Variants in OTOGL observed in about 807,000 individuals in gnomAD.
The protein encoded by OTOGL is otogelin-like protein.
A neutral mutation model predicts 318.5 loss-of-function variants in OTOGL; 285 were observed. The ratio of observed to expected loss-of-function variants is 0.89; its 90% CI spans 0.81 to 0.99. The LOEUF (loss-of-function observed/expected upper bound fraction) is 0.99, where lower values mean the gene tolerates loss of function less well. OTOGL is among the 50% of genes least tolerant of loss of function. The pLI is 0.00. For synonymous variants in OTOGL, 987 were observed against 936.5 expected, an observed-to-expected ratio of 1.05 and a Z score of -0.99; for missense variants, 2,899 against 2,845.6, an observed-to-expected ratio of 1.02 and a Z score of -0.43.
intron 26 of OTOGL, among the ~76,000 whole-genome samples, chr12:80,291,880 A>C (rs1885063208): frequency 6.6e-6 from 1 of 152,258 alleles, no homozygotes; most frequent in Non-Finnish European, 1.5e-5. Context: ...AATATGCCTC[A>C]AATTTTGCTC....
intron 53 of OTOGL, 40 bp downstream of exon 53, chr12:80,366,677 A>G: frequency 1.2e-6 from 1 of 842,610 alleles, no homozygotes. Flanking sequence ...ATAAATGAAT[A>G]TCATTAGTAT....
chr12:80,216,509 C>A (rs1188481407), intron 4 of OTOGL, among the ~76,000 whole-genome samples: 1 of 152,118 alleles, frequency 6.6e-6, no homozygotes, highest in Non-Finnish European at 1.5e-5. Context: ...TGCTACTTAG[C>A]CATATAGATC....
intron 26 of OTOGL, among the ~76,000 whole-genome samples, chr12:80,290,108 C>T (rs1185897298): frequency 6.6e-6 from 1 of 152,316 alleles, no homozygotes; most frequent in Non-Finnish European, 1.5e-5. Context: ...ATAGCACAGC[C>T]CTTCATGGCT....
chr12:80,222,011 T>A, intron 6 of OTOGL, 80 bp from the exon 7 acceptor site: 1 of 1,394,118 alleles, frequency 7.2e-7, no homozygotes, highest in South Asian at 1.4e-5. Context: ...AAAATTAGAA[T>A]CATTTACCAT....
At chr12:80,343,634 C>T (rs1364931974) in intron 44 of OTOGL, 1 of 147,536 alleles carries the variant, frequency 6.8e-6, no homozygotes, top group East Asian at 2.1e-4. Flanking sequence ...GGTCCTCTGT[C>T]GTGGATAGTC....
chr12:80,363,629 C>G (rs1168693839), intron 52 of OTOGL, among the ~76,000 whole-genome samples: 1 of 152,096 alleles, frequency 6.6e-6, no homozygotes, highest in African/African-American at 2.4e-5. Flanking sequence ...ATTACTAGGT[C>G]CTTGGACAAA....
chr12:80,320,196 A>ATT (rs927272477), intron 33 of OTOGL, among the ~76,000 whole-genome samples: 1 of 146,838 alleles, frequency 6.8e-6, no homozygotes, highest in African/African-American at 2.5e-5. Context: ...CCAAAGACTG[A>ATT]TTTTTTTTTT....
intron 1 of OTOGL, among the ~76,000 whole-genome samples, chr12:80,113,075 G>A (rs1419580479): frequency 6.6e-6 from 1 of 152,090 alleles, no homozygotes; most frequent in Admixed American, 6.5e-5. Context: ...ATGGTAGTTT[G>A]TATTTCTGTG....
In OTOGL at chr12:80,355,803, C is replaced by T; in HGVS notation, c.5661C>T (p.Cys1887=). 1.2e-6 allele frequency: 2 copies of T among 1,613,808 alleles called. No homozygotes were observed. Among genetic ancestry groups the T allele is most frequent in the Non-Finnish European group, 1.7e-6 (2 of 1,179,798 alleles). The part of the protein sequence containing the change: ...GEIWNGGIDE[C]TLYKCLENGS... ...TTTGGAATGGGGGCATTGATGAATG[C>T]ACTCTATACAAATGTTTGGAGAATG... The change falls in exon 47 of 59, where the codon TGC becomes TGT. Residue 1887 remains cysteine (C), a synonymous_variant. Coordinates refer to ENST00000547103, the MANE Select transcript of OTOGL (RefSeq NM_001378609.3).
chr12:80,279,798 A>G (rs1884085200), intron 26 of OTOGL, among the ~76,000 whole-genome samples: 1 of 151,804 alleles, frequency 6.6e-6, no homozygotes, highest in Non-Finnish European at 1.5e-5. Flanking sequence ...TCCTTTGGGT[A>G]TATACACAAT....
At chr12:80,326,981 T>C (rs570105060) in intron 35 of OTOGL, among the ~76,000 whole-genome samples, 2 of 152,298 alleles carry the variant, frequency 1.3e-5, no homozygotes, top group Admixed American at 6.5e-5. Flanking sequence ...GATGAGGCAA[T>C]GGAAATGTTT....
chr12:80,198,888 T>G (rs1339943100), intron 1 of OTOGL, among the ~76,000 whole-genome samples: 1 of 152,234 alleles, frequency 6.6e-6, no homozygotes, highest in Admixed American at 6.5e-5. Flanking sequence ...TATCATCTCT[T>G]GTGAACTACA....
chr12:80,356,961 G>GA lies in OTOGL; in HGVS notation c.6019+54dup, dbSNP rs5799468. Reference sequence around the variant, plus strand: ...TCTTGGAAGAAGAGAAAGGATCTAGGAAAAAAATCTCTTATTTGATGTGAA... The same window carrying GA: ...TCTTGGAAGAAGAGAAAGGATCTAGGAAAAAAAATCTCTTATTTGATGTGAA... On this transcript the variant is annotated intron_variant, in intron 49 of 58. Transcript: ENST00000547103. 0.8 allele frequency: 910,339 copies of GA among 1,141,938 alleles called. 370,705 individuals carry two copies. The highest frequency in any genetic ancestry group is 0.83 in the Non-Finnish European group (690,163 of 830,830). The allele number at this position is 1,141,938 out of a possible 1,614,324, so 70.7% of individuals were successfully genotyped here.
At chr12:80,160,546 C>T (rs753229078) in intron 1 of OTOGL, among the ~76,000 whole-genome samples, 22 of 152,134 alleles carry the variant, frequency 1.4e-4, no homozygotes, top group Non-Finnish European at 4.4e-5. Flanking sequence ...CACCTTACTC[C>T]TGCATGAATA....
intron 1 of OTOGL, among the ~76,000 whole-genome samples, chr12:80,194,792 C>CGCTT (rs1875938613): frequency 1.3e-5 from 2 of 152,020 alleles, no homozygotes; most frequent in Non-Finnish European, 2.9e-5. Context: ...AATAAACTTT[C>CGCTT]GCTTGTTTTC....
At chr12:80,277,476 A>ACATT (rs142501025) in intron 24 of OTOGL, among the ~76,000 whole-genome samples, 4 of 146,804 alleles carry the variant, frequency 2.7e-5, no homozygotes, top group Non-Finnish European at 6.0e-5. Flanking sequence ...ACTTAATTAT[A>ACATT]TATATTTAAA....
At chr12:80,210,956 A>C in intron 3 of OTOGL, 70 bp downstream of exon 3, 1 of 1,040,444 alleles carries the variant, frequency 9.6e-7, no homozygotes, top group Non-Finnish European at 1.3e-6. Flanking sequence ...CTCAGCAGGC[A>C]ACTATATCTG....
intron 1 of OTOGL, 120 bp from the exon 2 acceptor site, chr12:80,209,293 G>A (rs1473286470): frequency 3.8e-6 from 2 of 528,922 alleles, no homozygotes; most frequent in East Asian, 3.2e-5. Context: ...GGAAAGCCTG[G>A]AATTCCTTTT....
At chr12:80,101,953 G>T (rs1046350361) in intron 1 of OTOGL, among the ~76,000 whole-genome samples, 2 of 152,094 alleles carry the variant, frequency 1.3e-5, no homozygotes, top group African/African-American at 4.8e-5. Context: ...AAGAGTGTTT[G>T]GTCTCCAAGG....
Sources: gnomAD v4.1 joint callset for allele counts (sites outside exome capture counted in the v4.1 genomes callset) on GRCh38, gnomAD v4.1.1 for gene constraint, MANE v1.5 for transcripts, NCBI Gene and HGNC (gene_info 2026-07-23, HGNC 2026-07-21) for gene names.